The following TTC28 variants were observed in gnomAD, a reference collection of about 807,000 sequenced individuals.
TTC28 encodes the protein tetratricopeptide repeat protein 28.
TTC28 carries 61 observed loss-of-function variants against 198.0 expected under a neutral mutation model. That is an observed-to-expected ratio of 0.31 (90% CI 0.25 to 0.38). The LOEUF is 0.38. Ranked by LOEUF, TTC28 falls within the 10% of genes least tolerant of loss-of-function variation. The probability of loss-of-function intolerance (pLI) is 1.00; values close to 1 mark genes in which losing one functional copy is unlikely to be tolerated. For synonymous variants in TTC28, 1,171 were observed against 1,297.8 expected, an observed-to-expected ratio of 0.90 and a Z score of 2.10; for missense variants, 2,678 against 3,164.0, an observed-to-expected ratio of 0.85 and a Z score of 3.69.
intron 16 of TTC28, chr22:27,997,300 T>C (rs1937570035): frequency 6.6e-6 from 1 of 152,278 alleles, no homozygotes; most frequent in South Asian, 2.1e-4. Flanking sequence ...AATGCTTCTT[T>C]TCAGCCATAT....
In TTC28 at chr22:28,128,818, G is replaced by A. The variant is rs1942981135; in HGVS notation, c.1442-20415C>T. The stretch of plus-strand genomic sequence containing the variant: ...GCCTCCCAAAGTACTGAGATTACAG[G>A]TGTGAGCCACTACACCTGCCCTGGA... On this transcript the variant is annotated intron_variant, in intron 6 of 22. Coordinates refer to ENST00000397906, the MANE Select transcript of TTC28 (RefSeq NM_001145418.2). Among the ~76,000 whole-genome samples, 4 of 152,144 alleles carry A rather than the reference G, an allele frequency of 2.6e-5. No individual in the cohort carries two copies. In the South Asian group the frequency reaches 8.3e-4, roughly 32 times the overall value.
Position 27,998,650 on chromosome 22 carries a change from T to C in TTC28, c.5009A>G (p.His1670Arg), listed in dbSNP as rs893140768. 24 of 1,550,720 alleles carry C rather than the reference T, an allele frequency of 1.5e-5. No homozygotes were observed. The highest frequency in any genetic ancestry group is 1.8e-5 in the Non-Finnish European group (21 of 1,146,994). Residue 1670 changes from histidine to arginine, a missense_variant, in exon 16 of 23, where the codon CAT (histidine) becomes CGT (arginine). Transcript: ENST00000397906. ...VPVAASKMFI[H>R]AFYSSLLNGL... ...GTTCAGCAGGGATGAGTAGAAGGCA[T>C]GGATGAACATCTTAGAAGCAGCCAC...
At chr22:28,401,194 G>A (rs963860104) in intron 2 of TTC28, among the ~76,000 whole-genome samples, 16 of 151,844 alleles carry the variant, frequency 1.1e-4, no homozygotes, top group African/African-American at 3.4e-4. Flanking sequence ...AGGAGGGGGG[G>A]AGGAGGAGGA....
chr22:28,350,653 C>G (rs1441260656), intron 2 of TTC28, among the ~76,000 whole-genome samples: 2 of 152,092 alleles, frequency 1.3e-5, no homozygotes, highest in African/African-American at 4.8e-5. Context: ...TGCACGCACA[C>G]GCACACAAGC....
At chr22:28,091,539 G>C (rs1373462216) in intron 12 of TTC28, among the ~76,000 whole-genome samples, 1 of 152,146 alleles carries the variant, frequency 6.6e-6, no homozygotes, top group Non-Finnish European at 1.5e-5. Context: ...CATGAAAAAG[G>C]GAAAGGTAGC....
intron 1 of TTC28, among the ~76,000 whole-genome samples, chr22:28,642,771 G>A (rs778720221): frequency 8.5e-5 from 13 of 152,306 alleles, no homozygotes; most frequent in Admixed American, 3.3e-4. Context: ...CTGGGGCCCA[G>A]TGTGTTTAGA....
chr22:28,297,470 G>A (rs2044923035), intron 4 of TTC28, 110 bp downstream of exon 4: 10 of 1,301,480 alleles, frequency 7.7e-6, no homozygotes, highest in Non-Finnish European at 1.0e-5. Context: ...GGGATTACAG[G>A]TGTGAGCAAC....
intron 2 of TTC28, among the ~76,000 whole-genome samples, chr22:28,384,398 T>C (rs977816484): frequency 8.7e-4 from 132 of 152,266 alleles, no homozygotes; most frequent in African/African-American, 3.2e-3. Flanking sequence ...CCTTCATCAC[T>C]CTTTATCGCT....
chr22:28,029,670 C>T (rs192526069), intron 13 of TTC28, among the ~76,000 whole-genome samples: 1 of 152,272 alleles, frequency 6.6e-6, no homozygotes, highest in Admixed American at 6.5e-5. Context: ...ATTTCAAACT[C>T]GATTCATCTT....
intron 4 of TTC28, 144 bp from the exon 5 acceptor site, chr22:28,296,472 C>T: frequency 1.3e-6 from 1 of 790,054 alleles, no homozygotes; most frequent in Admixed American, 3.3e-5. Context: ...GTATTTGTTT[C>T]TTCCACAAGA....
chr22:28,208,300 C>T (rs903080348), intron 5 of TTC28, among the ~76,000 whole-genome samples: 2 of 152,124 alleles, frequency 1.3e-5, no homozygotes, highest in African/African-American at 4.8e-5. Context: ...TCACACTTCA[C>T]CAGCCCTGGT....
At chr22:28,388,128 C>T (rs1488411025) in intron 2 of TTC28, among the ~76,000 whole-genome samples, 1 of 152,140 alleles carries the variant, frequency 6.6e-6, no homozygotes, top group Non-Finnish European at 1.5e-5. Flanking sequence ...TTGTTTTTCT[C>T]AGGTTTGTCA....
At chr22:28,617,870 C>A (rs2050926873) in intron 2 of TTC28, among the ~76,000 whole-genome samples, 2 of 152,206 alleles carry the variant, frequency 1.3e-5, no homozygotes, top group South Asian at 4.1e-4. Flanking sequence ...CCTAGATATT[C>A]TAATCACCAG....
intron 5 of TTC28, among the ~76,000 whole-genome samples, chr22:28,257,760 A>ATATATATATATATC (rs1931043145): frequency 1.8e-5 from 1 of 56,924 alleles, no homozygotes; most frequent in African/African-American, 5.8e-5. Flanking sequence ...ATATATATAT[A>ATATATATATATATC]TATATATATA....
Position 28,538,603 on chromosome 22 carries a change from A to C in TTC28, c.381+90949T>G, listed in dbSNP as rs555397890. Among the ~76,000 whole-genome samples the C allele has an allele frequency of 5.4e-4, 69 of 127,326 alleles. 1 individual carries two copies. The South Asian group carries it at 0.016, about 29-fold the overall frequency. The allele number at this position is 127,326 out of a possible 152,430, so 83.5% of individuals were successfully genotyped here. On this transcript the variant is annotated intron_variant, in intron 2 of 22. Coordinates refer to ENST00000397906, the MANE Select transcript of TTC28 (RefSeq NM_001145418.2). ...GAGACAGAGTCTCTCTCTGTCGCCT[A>C]GGCTGAAGTGCAGTGGCACAATCTC...
At chr22:28,422,415 G>A (rs1200510436) in intron 2 of TTC28, among the ~76,000 whole-genome samples, 6 of 151,798 alleles carry the variant, frequency 4.0e-5, no homozygotes, top group Admixed American at 2.0e-4. Context: ...CAGTCTTCAC[G>A]TCTTGCTATT....
At chr22:28,372,577 A>T (rs553395641) in intron 2 of TTC28, among the ~76,000 whole-genome samples, 80 of 148,674 alleles carry the variant, frequency 5.4e-4, no homozygotes, top group Middle Eastern at 3.5e-3. Flanking sequence ...GAAGACACTG[A>T]TGTCTATTTG....
intron 2 of TTC28, among the ~76,000 whole-genome samples, chr22:28,548,258 G>T (rs1035767466): frequency 6.6e-6 from 1 of 152,120 alleles, no homozygotes; most frequent in African/African-American, 2.4e-5. Flanking sequence ...AGCAGGCTGA[G>T]CATGAACCCT....
intron 12 of TTC28, among the ~76,000 whole-genome samples, chr22:28,087,468 A>G (rs1229943065): frequency 6.6e-6 from 1 of 152,202 alleles, no homozygotes; most frequent in East Asian, 1.9e-4. Flanking sequence ...ACAACCCTTC[A>G]TGCTAAAAAG....
Sources: allele counts gnomAD v4.1 joint callset (sites outside exome capture counted in the v4.1 genomes callset), GRCh38; gene constraint gnomAD v4.1.1; transcripts MANE v1.5; gene names NCBI Gene and HGNC (gene_info 2026-07-23, HGNC 2026-07-21).